The following SRD5A2 variants were observed in gnomAD, a reference collection of about 807,000 sequenced individuals.
SRD5A2 encodes steroid 5 alpha-reductase 2.
In SRD5A2, 30 loss-of-function variants were observed where a neutral mutation model predicts 27.4. That is an observed-to-expected ratio of 1.10 (90% confidence interval 0.82 to 1.49). The LOEUF (loss-of-function observed/expected upper bound fraction) is 1.49, where lower values mean the gene tolerates loss of function less well. Ranked by LOEUF, SRD5A2 falls within the 40% of genes most tolerant of loss-of-function variation. SRD5A2 has a pLI of 0.00. For synonymous variants in SRD5A2, 141 were observed against 133.6 expected, an observed-to-expected ratio of 1.06 and a Z score of -0.38; for missense variants, 348 against 323.4, an observed-to-expected ratio of 1.08 and a Z score of -0.58.
At chr2:31,615,389 C>T in the SRD5A2 span, among the ~76,000 whole-genome samples, 97 of 152,228 alleles carry the variant, frequency 6.4e-4, 1 homozygote, top group Non-Finnish European at 8.2e-4. Flanking sequence ...GAGGCAGTCT[C>T]AGATGGAGAT....
chr2:31,656,681 C>G, the SRD5A2 span, among the ~76,000 whole-genome samples: 1 of 152,112 alleles, frequency 6.6e-6, no homozygotes, highest in African/African-American at 2.4e-5. Context: ...AGACTAAGGC[C>G]CCACCAGACA....
upstream of SRD5A2, among the ~76,000 whole-genome samples, chr2:31,584,300 A>C (rs1667141186): frequency 1.3e-5 from 2 of 152,220 alleles, no homozygotes; most frequent in East Asian, 1.9e-4. Flanking sequence ...ACATAAAATC[A>C]ATCCCCCAAA....
At chr2:31,608,408 G>T in the SRD5A2 span, among the ~76,000 whole-genome samples, 1 of 151,524 alleles carries the variant, frequency 6.6e-6, no homozygotes, top group Non-Finnish European at 1.5e-5. Context: ...AAAAATAATA[G>T]AATAATACAA....
At chr2:31,545,688 C>A (rs543277794) in intron 1 of SRD5A2, among the ~76,000 whole-genome samples, 10 of 152,130 alleles carry the variant, frequency 6.6e-5, no homozygotes, top group Non-Finnish European at 1.2e-4. Flanking sequence ...TTCTATTCAA[C>A]ATAGTGCTAG....
upstream of SRD5A2, among the ~76,000 whole-genome samples, chr2:31,582,037 C>T (rs1487564990): frequency 6.6e-6 from 1 of 152,186 alleles, no homozygotes; most frequent in East Asian, 1.9e-4. Flanking sequence ...CCGGCTTTCT[C>T]CTTTAGGTTG....
chr2:31,592,571 C>T, the SRD5A2 span, among the ~76,000 whole-genome samples: 1 of 152,154 alleles, frequency 6.6e-6, no homozygotes, highest in African/African-American at 2.4e-5. Flanking sequence ...CCCAGTAGTC[C>T]CACTGGGTGG....
At chr2:31,617,474 T>G in the SRD5A2 span, among the ~76,000 whole-genome samples, 1 of 152,254 alleles carries the variant, frequency 6.6e-6, no homozygotes, top group Non-Finnish European at 1.5e-5. Context: ...TCCTCATTAC[T>G]CATGCAAATT....
chr2:31,616,070 G>A, the SRD5A2 span, among the ~76,000 whole-genome samples: 1 of 152,070 alleles, frequency 6.6e-6, no homozygotes, highest in Non-Finnish European at 1.5e-5. Flanking sequence ...GGAAATGCCT[G>A]GATGTCCAGG....
the SRD5A2 span, among the ~76,000 whole-genome samples, chr2:31,590,729 T>C: frequency 6.6e-6 from 1 of 152,062 alleles, no homozygotes; most frequent in Admixed American, 6.5e-5. Flanking sequence ...TACCAAAACA[T>C]ACTTATAGAC....
At chr2:31,591,467 G>C in the SRD5A2 span, among the ~76,000 whole-genome samples, 1 of 151,938 alleles carries the variant, frequency 6.6e-6, no homozygotes, top group African/African-American at 2.4e-5. Flanking sequence ...GGAGAAATAG[G>C]AACACTTTTA....
At chr2:31,594,906 T>A in the SRD5A2 span, among the ~76,000 whole-genome samples, 488 of 152,266 alleles carry the variant, frequency 3.2e-3, 3 homozygotes, top group African/African-American at 0.011. Flanking sequence ...CAAAAAGGAA[T>A]GCTCAAAACT....
At chr2:31,545,952 C>T (rs1169143034) in intron 1 of SRD5A2, among the ~76,000 whole-genome samples, 4 of 152,090 alleles carry the variant, frequency 2.6e-5, no homozygotes, top group Non-Finnish European at 5.9e-5. Flanking sequence ...TTAAGAAAGT[C>T]TCATTTACGA....
At chr2:31,593,696 A>G in the SRD5A2 span, among the ~76,000 whole-genome samples, 1 of 152,196 alleles carries the variant, frequency 6.6e-6, no homozygotes, top group Non-Finnish European at 1.5e-5. Flanking sequence ...AAGTTCAAAG[A>G]ACACCCAGGA....
chr2:31,662,845 C>A, the SRD5A2 span, among the ~76,000 whole-genome samples: 2 of 152,126 alleles, frequency 1.3e-5, no homozygotes, highest in African/African-American at 4.8e-5. Context: ...TTCTAAGTTT[C>A]TTGCAGTCTT....
the SRD5A2 span, among the ~76,000 whole-genome samples, chr2:31,604,774 A>G: frequency 6.6e-6 from 1 of 151,734 alleles, no homozygotes; most frequent in Non-Finnish European, 1.5e-5. Context: ...TCAAAATACC[A>G]ATGACATTCT....
chr2:31,560,618 C>T (rs540457632), intron 1 of SRD5A2, among the ~76,000 whole-genome samples: 15 of 152,186 alleles, frequency 9.9e-5, no homozygotes, highest in South Asian at 2.1e-4. Context: ...TTTTTTGCTG[C>T]GCTTCCTTTC....
chr2:31,599,518 T>C, the SRD5A2 span, among the ~76,000 whole-genome samples: 2 of 151,976 alleles, frequency 1.3e-5, no homozygotes, highest in African/African-American at 4.8e-5. Context: ...TTGGAAACTA[T>C]ACAAATACGT....
intron 1 of SRD5A2, among the ~76,000 whole-genome samples, chr2:31,552,350 C>T (rs1190078936): frequency 2.6e-5 from 4 of 151,808 alleles, no homozygotes; most frequent in Non-Finnish European, 5.9e-5. Flanking sequence ...ACACTTCTCT[C>T]ATTAGGAGGG....
At chr2:31,613,264 T>A in the SRD5A2 span, among the ~76,000 whole-genome samples, 2 of 151,992 alleles carry the variant, frequency 1.3e-5, no homozygotes, top group Non-Finnish European at 2.9e-5. Flanking sequence ...AAACCATACA[T>A]CTGATAAAGA....
Sources: allele counts gnomAD v4.1 joint callset (sites outside exome capture counted in the v4.1 genomes callset), GRCh38; gene constraint gnomAD v4.1.1; transcripts MANE v1.5; gene names NCBI Gene and HGNC (gene_info 2026-07-23, HGNC 2026-07-21).